The following PTPRD variants were observed in gnomAD, a reference collection of about 807,000 sequenced individuals.
The protein encoded by PTPRD is protein tyrosine phosphatase receptor type D, also known as receptor-type tyrosine-protein phosphatase delta.
Under a neutral mutation model 214.5 loss-of-function variants are expected in PTPRD, and 34 were observed. That is an observed-to-expected ratio of 0.16 (90% CI 0.12 to 0.21). The LOEUF is 0.21. Ranked by LOEUF, PTPRD falls within the 10% of genes least tolerant of loss-of-function variation. The probability of loss-of-function intolerance (pLI) is 1.00; values close to 1 mark genes in which losing one functional copy is unlikely to be tolerated. For synonymous variants in PTPRD, 1,128 were observed against 845.7 expected (o/e 1.33, Z -5.79); for missense variants, 2,545 against 2,398.7 (o/e 1.06, Z -1.27).
chr9:9,855,700 C>G (rs929338425), intron 5 of PTPRD, among the ~76,000 whole-genome samples: 2 of 152,170 alleles, frequency 1.3e-5, no homozygotes, highest in Non-Finnish European at 2.9e-5. Flanking sequence ...GGAGGCAACA[C>G]GCAGGAGAGT....
At chr9:9,482,343 C>T (rs574316984) in intron 8 of PTPRD, among the ~76,000 whole-genome samples, 28 of 152,154 alleles carry the variant, frequency 1.8e-4, no homozygotes, top group Non-Finnish European at 3.7e-4. Context: ...TCTAAGCATA[C>T]TTTGATTCAA....
At chr9:8,507,144 G>A (rs751924900) in intron 22 of PTPRD, among the ~76,000 whole-genome samples, 157 bp downstream of exon 22, 11 of 151,924 alleles carry the variant, frequency 7.2e-5, no homozygotes, top group Non-Finnish European at 1.2e-4. Flanking sequence ...GTTTTTCTTG[G>A]GGGGGAGGGG....
chr9:9,019,675 C>T (rs915798181), intron 10 of PTPRD, among the ~76,000 whole-genome samples: 12 of 152,186 alleles, frequency 7.9e-5, no homozygotes, highest in Non-Finnish European at 1.5e-5. Flanking sequence ...CACTGCACTC[C>T]ATCCCAGGTG....
At chr9:10,450,017 T>C (rs1456672888) in intron 2 of PTPRD, among the ~76,000 whole-genome samples, 2 of 151,644 alleles carry the variant, frequency 1.3e-5, no homozygotes, top group Non-Finnish European at 2.9e-5. Flanking sequence ...CAAGATGTGC[T>C]TTGTTAAACA....
At chr9:9,503,503 T>C (rs1590060223) in intron 8 of PTPRD, among the ~76,000 whole-genome samples, 1 of 151,564 alleles carries the variant, frequency 6.6e-6, no homozygotes, top group African/African-American at 2.4e-5. Context: ...TAAGACCAGA[T>C]GAAAAAATGT....
chr9:9,475,785 G>C (rs2094983317), intron 8 of PTPRD, among the ~76,000 whole-genome samples: 1 of 152,124 alleles, frequency 6.6e-6, no homozygotes, highest in Non-Finnish European at 1.5e-5. Flanking sequence ...AGGTCACTAA[G>C]TCTTGTGTGT....
At chr9:8,649,008 C>A (rs2096751876) in intron 12 of PTPRD, among the ~76,000 whole-genome samples, 1 of 152,132 alleles carries the variant, frequency 6.6e-6, no homozygotes, top group Admixed American at 6.5e-5. Context: ...TTGGGTCACA[C>A]AGGAAAGGTA....
At chr9:8,419,124 G>C (rs1291192710) in intron 35 of PTPRD, among the ~76,000 whole-genome samples, 2 of 151,556 alleles carry the variant, frequency 1.3e-5, no homozygotes, top group Non-Finnish European at 2.9e-5. Flanking sequence ...GGGAGCCTGA[G>C]GCAGGAGAAT....
intron 12 of PTPRD, among the ~76,000 whole-genome samples, chr9:8,711,970 A>G (rs1223760015): frequency 1.3e-5 from 2 of 152,268 alleles, no homozygotes; most frequent in East Asian, 1.9e-4. Flanking sequence ...ATATTGCGGC[A>G]GTGTGAGGGA....
chr9:10,493,536 G>T (rs2041062706), intron 2 of PTPRD, among the ~76,000 whole-genome samples: 1 of 152,054 alleles, frequency 6.6e-6, no homozygotes, highest in Admixed American at 6.6e-5. Context: ...TGGGAAAATT[G>T]GCTAGCCATA....
intron 11 of PTPRD, among the ~76,000 whole-genome samples, chr9:8,897,442 C>T (rs2098628618): frequency 6.6e-6 from 1 of 152,086 alleles, no homozygotes; most frequent in Non-Finnish European, 1.5e-5. Context: ...CTAAGTGAAG[C>T]TTTGAGGTAA....
chr9:10,143,594 T>C (rs201453322), intron 3 of PTPRD, among the ~76,000 whole-genome samples: 1 of 151,950 alleles, frequency 6.6e-6, no homozygotes, highest in Non-Finnish European at 1.5e-5. Context: ...TATCAAAAAG[T>C]CATATCCACT....
Position 9,637,145 on chromosome 9 carries a change from G to A in PTPRD, c.-286-62364C>T, listed in dbSNP as rs563533520. 1.2e-4 allele frequency among the ~76,000 whole-genome samples: 18 copies of A among 152,160 alleles called. No individual in the cohort carries two copies. The South Asian group carries it at 3.5e-3, about 30-fold the overall frequency. ...AAGTTTCCAACACATGAATTGTGGG[G>A]GACATTGAGATCATAGCACTCCACC... On this transcript the variant is annotated intron_variant, in intron 7 of 45. Coordinates refer to ENST00000381196, the MANE Select transcript of PTPRD (RefSeq NM_002839.4).
chr9:9,831,950 AGTGGCATTTCAAT>A (rs1340884383), intron 5 of PTPRD, among the ~76,000 whole-genome samples: 1 of 152,030 alleles, frequency 6.6e-6, no homozygotes, highest in East Asian at 1.9e-4. Flanking sequence ...AATCTCATTA[AGTGGCATTTCAAT>A]GTCAGACATT....
At chr9:8,870,053 G>T (rs2098268813) in intron 11 of PTPRD, among the ~76,000 whole-genome samples, 1 of 150,630 alleles carries the variant, frequency 6.6e-6, no homozygotes, top group East Asian at 2.0e-4. Flanking sequence ...GGAACCACTA[G>T]TTCTAGCTGT....
intron 2 of PTPRD, among the ~76,000 whole-genome samples, chr9:10,470,773 T>C (rs562189686): frequency 2.6e-5 from 4 of 152,260 alleles, no homozygotes; most frequent in Admixed American, 6.5e-5. Flanking sequence ...ACCACTGGAA[T>C]AGACTATCTT....
intron 11 of PTPRD, among the ~76,000 whole-genome samples, chr9:8,918,426 T>C (rs1480686497): frequency 6.6e-6 from 1 of 152,154 alleles, no homozygotes; most frequent in African/African-American, 2.4e-5. Flanking sequence ...AACAGTGGAT[T>C]TGAGGGATTT....
At chr9:9,821,124 A>G (rs1433219719) in intron 5 of PTPRD, among the ~76,000 whole-genome samples, 1 of 151,828 alleles carries the variant, frequency 6.6e-6, no homozygotes, top group Non-Finnish European at 1.5e-5. Flanking sequence ...ATTTTTTCCC[A>G]TTTGTGTCAT....
At chr9:8,767,103 A>C (rs2154480859) in intron 11 of PTPRD, among the ~76,000 whole-genome samples, 1 of 152,222 alleles carries the variant, frequency 6.6e-6, no homozygotes, top group Admixed American at 6.5e-5. Context: ...AGATTTAGAT[A>C]AAATATTTCC....
Sources: allele counts gnomAD v4.1 joint callset (sites outside exome capture counted in the v4.1 genomes callset), GRCh38; gene constraint gnomAD v4.1.1; transcripts MANE v1.5; gene names NCBI Gene and HGNC (gene_info 2026-07-23, HGNC 2026-07-21).